Variants in SYT2 observed in about 807,000 individuals in gnomAD.
SYT2 encodes synaptotagmin 2, also known as synaptotagmin-2.
Under a neutral mutation model 39.9 loss-of-function variants are expected in SYT2, and 15 were observed. The ratio of observed to expected loss-of-function variants is 0.38; its 90% CI spans 0.25 to 0.58. SYT2 has a LOEUF of 0.58. Ranked by LOEUF, SYT2 falls within the 20% of genes least tolerant of loss-of-function variation. SYT2 has a pLI of 0.70. For synonymous variants in SYT2, 181 were observed against 204.5 expected, an observed-to-expected ratio of 0.89 and a Z score of 0.98; for missense variants, 389 against 530.3, an observed-to-expected ratio of 0.73 and a Z score of 2.62.
chr1:202,675,361 T>C (rs1433066835), intron 1 of SYT2, among the ~76,000 whole-genome samples: 1 of 148,478 alleles, frequency 6.7e-6, no homozygotes, highest in Non-Finnish European at 1.5e-5. Context: ...AATAATTATA[T>C]ATATAATTAA....
intron 1 of SYT2, among the ~76,000 whole-genome samples, chr1:202,646,580 A>G (rs1692087465): frequency 6.6e-6 from 1 of 152,230 alleles, no homozygotes; most frequent in Non-Finnish European, 1.5e-5. Context: ...TGTATGCTGT[A>G]TGACTACAGG....
intron 1 of SYT2, among the ~76,000 whole-genome samples, chr1:202,709,858 C>T (rs1299910421): frequency 1.3e-5 from 2 of 152,074 alleles, no homozygotes; most frequent in Non-Finnish European, 2.9e-5. Context: ...CCTTGGAGAC[C>T]GCTAGGGCTG....
Position 202,694,069 on chromosome 1 carries a change from A to C in SYT2, c.-18+16189T>G, listed in dbSNP as rs942871136. On this transcript the variant is annotated intron_variant, in intron 1 of 8. Coordinates refer to ENST00000367268, the MANE Select transcript of SYT2 (RefSeq NM_177402.5). The stretch of plus-strand genomic sequence containing the variant: ...CCACGAGGAGGACACCAAGCCATTC[A>C]TGAGGGATCTGACCCCATTACCCAA... Among the ~76,000 whole-genome samples, 4 of 152,194 alleles carry C rather than the reference A, an allele frequency of 2.6e-5. No individual in the cohort carries two copies. The East Asian group carries it at 7.7e-4, about 29-fold the overall frequency.
At chr1:202,611,146 C>A (rs1441207755) in intron 1 of SYT2, among the ~76,000 whole-genome samples, 1 of 152,154 alleles carries the variant, frequency 6.6e-6, no homozygotes, top group Non-Finnish European at 1.5e-5. Flanking sequence ...TGTAGCATAT[C>A]TTTTCATGTG....
At chr1:202,705,337 C>T (rs551934836) in intron 1 of SYT2, among the ~76,000 whole-genome samples, 2 of 152,368 alleles carry the variant, frequency 1.3e-5, no homozygotes, top group African/African-American at 4.8e-5. Flanking sequence ...CGCTCTATCC[C>T]CGAGCAGGGG....
At chr1:202,618,090 CG>C (rs1691096759) in intron 1 of SYT2, among the ~76,000 whole-genome samples, 2 of 152,002 alleles carry the variant, frequency 1.3e-5, no homozygotes, top group Admixed American at 1.3e-4. Flanking sequence ...TTTGTAGAGA[CG>C]GGGTTTCACC....
intron 1 of SYT2, among the ~76,000 whole-genome samples, chr1:202,680,004 C>A (rs1407794019): frequency 2.6e-5 from 4 of 152,180 alleles, no homozygotes; most frequent in African/African-American, 4.8e-5. Context: ...TCTGGAAGAC[C>A]AGTTCTTAGC....
chr1:202,614,032 C>T lies in SYT2; in HGVS notation c.-17-8243G>A, dbSNP rs1690960676. Among the ~76,000 whole-genome samples the T allele has an allele frequency of 6.6e-6, 1 of 152,144 alleles. No homozygotes were observed. The highest frequency in any genetic ancestry group is 6.5e-5 in the Admixed American group (1 of 15,272). ...GTGAATCTGAGAAGTGTTCATTGAA[C>T]CTTATCTGAGGCACCTGGAAGTGGC... is the stretch of plus-strand genomic sequence containing the variant. On this transcript the variant is annotated intron_variant, in intron 1 of 8. Coordinates refer to ENST00000367268, the MANE Select transcript of SYT2 (RefSeq NM_177402.5). The surrounding 1 kb of genome is among the most constrained non-coding windows in gnomAD (Gnocchi z 4.0).
At chr1:202,625,369 T>G (rs1449350254) in intron 1 of SYT2, among the ~76,000 whole-genome samples, 1 of 145,576 alleles carries the variant, frequency 6.9e-6, no homozygotes, top group East Asian at 2.1e-4. Context: ...TTGTGGTGTG[T>G]GGTGTGTGTG....
Position 202,596,967 on chromosome 1 carries a change from CA to C in SYT2, c.1054-5del, listed in dbSNP as rs771015171. 16 of 1,611,798 alleles carry C rather than the reference CA, an allele frequency of 9.9e-6. 1 individual carries two copies. Among genetic ancestry groups the C allele is most frequent in the Admixed American group, 1.7e-5 (1 of 59,924 alleles). Reference sequence around the variant, plus strand: ...CGGTGACCACTACCTGGACTTTCTGCAAGGAAAACGAGGGAGGGAGTTGGCA... The same window carrying C: ...CGGTGACCACTACCTGGACTTTCTGCAGGAAAACGAGGGAGGGAGTTGGCA... On this transcript the variant is annotated splice_region_variant and splice_polypyrimidine_tract_variant and intron_variant, in intron 8 of 8. Transcript: ENST00000367268.
In SYT2 at chr1:202,600,367, G is replaced by T; in HGVS notation, c.909C>A (p.Gly303=). The T allele has an allele frequency of 6.2e-7, 1 of 1,614,062 alleles. No individual in the cohort carries two copies. Among genetic ancestry groups the T allele is most frequent in the Non-Finnish European group, 8.5e-7 (1 of 1,179,954 alleles). ...AAGCTCTCCACGTACCTGAAAGGCC[G>T]CCCACGTCCATCTTCTTGAGGTTCT... The part of the protein sequence containing the change: ...EAKNLKKMDV[G]GLSDPYVKIH... The change falls in exon 7 of 9, where the codon GGC becomes GGA. Residue 303 remains glycine (G), a synonymous_variant. Transcript: ENST00000367268.
intron 1 of SYT2, among the ~76,000 whole-genome samples, chr1:202,653,420 C>T (rs1380795702): frequency 6.6e-6 from 1 of 152,226 alleles, no homozygotes; most frequent in Non-Finnish European, 1.5e-5. Context: ...GTTCTCCAGT[C>T]ACTTTGCTTG....
At chr1:202,639,509 C>T (rs1326798312) in intron 1 of SYT2, 5 of 985,282 alleles carry the variant, frequency 5.1e-6, no homozygotes, top group Non-Finnish European at 4.8e-6. Flanking sequence ...TTCAGTGCCT[C>T]GTCCTGCCGT....
chr1:202,651,393 G>A (rs540968542), intron 1 of SYT2, among the ~76,000 whole-genome samples: 261 of 152,218 alleles, frequency 1.7e-3, no homozygotes, highest in Non-Finnish European at 3.1e-3. Context: ...CCTGGGACAC[G>A]ATCAGTTTGG....
chr1:202,665,535 T>C (rs10920447), intron 1 of SYT2, among the ~76,000 whole-genome samples: 16,729 of 152,252 alleles, frequency 0.11, 1,178 homozygotes, highest in East Asian at 0.26. Flanking sequence ...GGCCTTCAGA[T>C]AGTCTATAGC....
intron 1 of SYT2, among the ~76,000 whole-genome samples, chr1:202,702,477 G>A (rs796508808): frequency 1.3e-4 from 20 of 152,292 alleles, no homozygotes; most frequent in African/African-American, 3.6e-4. Flanking sequence ...CATGCTTCCC[G>A]CTAACACTGA....
rs33940077 is a variant in SYT2, at chr1:202,705,722, C to CTTT, written c.-18+4533_-18+4535dup. 5.4e-3 allele frequency among the ~76,000 whole-genome samples: 785 copies of CTTT among 145,168 alleles called. 2 individuals are homozygous for CTTT. Among genetic ancestry groups the CTTT allele is most frequent in the Non-Finnish European group, 8.2e-3 (540 of 66,070 alleles). ...CTGCTCATCTTGGATTTTGGGAGTC[C>CTTT]TTTTTTTTTTTTTGAGACCGGATCT... is the stretch of plus-strand genomic sequence containing the variant. On this transcript the variant is annotated intron_variant, in intron 1 of 8. Transcript: ENST00000367268.
At position 202,607,206 on chromosome 1, in the gene SYT2, C is replaced by G. The variant is rs184230262; in HGVS notation, c.-17-1417G>C. Among the ~76,000 whole-genome samples, 11 of 152,292 alleles carry G rather than the reference C, an allele frequency of 7.2e-5. No homozygotes were observed. The East Asian group carries it at 2.1e-3, about 29-fold the overall frequency. ...AACTGAAAGTCCCATGAGGGCAGAT[C>G]CTGTGTTGGCAACAGCACCCCTTGT... is the stretch of plus-strand genomic sequence containing the variant. On this transcript the variant is annotated intron_variant, in intron 1 of 8. Coordinates refer to ENST00000367268, the MANE Select transcript of SYT2 (RefSeq NM_177402.5).
At chr1:202,612,276 ATT>A (rs924999083) in intron 1 of SYT2, among the ~76,000 whole-genome samples, 4 of 148,232 alleles carry the variant, frequency 2.7e-5, no homozygotes, top group African/African-American at 9.9e-5. Flanking sequence ...TACCACACTG[ATT>A]TTTTTTTTTA....
Sources: gnomAD v4.1 joint callset for allele counts (sites outside exome capture counted in the v4.1 genomes callset) on GRCh38, gnomAD v4.1.1 for gene constraint, Gnocchi (gnomAD v3.1) non-coding constraint, MANE v1.5 for transcripts, NCBI Gene and HGNC (gene_info 2026-07-23, HGNC 2026-07-21) for gene names.